The following AGBL3 variants were observed in gnomAD, a reference collection of about 807,000 sequenced individuals.
AGBL3 encodes AGBL carboxypeptidase 3.
In AGBL3, 68 loss-of-function variants were observed where a neutral mutation model predicts 94.5. The ratio of observed to expected loss-of-function variants is 0.72; its 90% CI spans 0.59 to 0.88. AGBL3 has a LOEUF of 0.88. Among genes scored for constraint, AGBL3 ranks in the 40% least tolerant of loss-of-function variants. AGBL3 has a pLI of 0.00. For missense variants in AGBL3, 934 were observed against 1,103.8 expected (o/e 0.85, Z 2.18); for synonymous variants, 354 against 370.7 (o/e 0.95, Z 0.52).
chr7:135,032,796 T>G, intron 5 of AGBL3, 48 bp from the exon 6 acceptor site: 1 of 1,488,654 alleles, frequency 6.7e-7, no homozygotes, highest in South Asian at 1.4e-5. Context: ...AATAACCTTC[T>G]TACTTTAGGT....
At chr7:135,055,521 T>C (rs1818266438) in intron 11 of AGBL3, among the ~76,000 whole-genome samples, 1 of 113,646 alleles carries the variant, frequency 8.8e-6, no homozygotes, top group Non-Finnish European at 2.0e-5. Context: ...TATATTGATA[T>C]AATTTTTTTT....
At chr7:135,060,123 C>T (rs1818696271) in intron 12 of AGBL3, among the ~76,000 whole-genome samples, 1 of 152,184 alleles carries the variant, frequency 6.6e-6, no homozygotes, top group African/African-American at 2.4e-5. Context: ...CTAACACACA[C>T]TGTTAATAGT....
chr7:134,987,453 T>A (rs558570979), intron 1 of AGBL3, among the ~76,000 whole-genome samples: 12 of 152,320 alleles, frequency 7.9e-5, no homozygotes, highest in African/African-American at 2.6e-4. Flanking sequence ...AAATGTAAAG[T>A]CTTGTCACTT....
At chr7:135,054,369 T>C (rs1240962710) in intron 11 of AGBL3, among the ~76,000 whole-genome samples, 1 of 152,240 alleles carries the variant, frequency 6.6e-6, no homozygotes, top group Non-Finnish European at 1.5e-5. Context: ...AAATTCCTTT[T>C]ATAGCTGCTG....
At chr7:135,016,987 T>A (rs1813876900) in intron 4 of AGBL3, 65 bp from the exon 5 acceptor site, 1 of 1,012,376 alleles carries the variant, frequency 9.9e-7, no homozygotes, top group South Asian at 1.4e-5. Flanking sequence ...TTTGAAAATA[T>A]GCAATAAAAT....
chr7:135,122,269 A>C (rs548738167), intron 16 of AGBL3, among the ~76,000 whole-genome samples: 1 of 152,300 alleles, frequency 6.6e-6, no homozygotes, highest in Admixed American at 6.5e-5. Flanking sequence ...ACTGTGGCTG[A>C]CTGTGGCCAG....
intron 11 of AGBL3, 146 bp from the exon 12 acceptor site, chr7:135,059,023 C>T (rs1468258557): frequency 3.3e-6 from 2 of 611,354 alleles, no homozygotes; most frequent in Non-Finnish European, 5.6e-6. Flanking sequence ...TCCCAAAGTA[C>T]TCGGATTACA....
chr7:135,005,697 AC>A (rs1292651345), intron 4 of AGBL3, among the ~76,000 whole-genome samples: 1 of 151,878 alleles, frequency 6.6e-6, no homozygotes, highest in Non-Finnish European at 1.5e-5. Context: ...GTAGCCTCTT[AC>A]CTCAAGCTTT....
At chr7:135,116,523 G>A (rs188627016) in intron 16 of AGBL3, among the ~76,000 whole-genome samples, 3 of 152,316 alleles carry the variant, frequency 2.0e-5, no homozygotes, top group Non-Finnish European at 4.4e-5. Flanking sequence ...GCCCAATGGG[G>A]AGAGAAAGAG....
intron 4 of AGBL3, among the ~76,000 whole-genome samples, chr7:135,006,968 G>A (rs999951241): frequency 1.3e-5 from 2 of 151,876 alleles, no homozygotes; most frequent in Non-Finnish European, 2.9e-5. Context: ...ATGAAGTACG[G>A]AAACTGACTC....
rs532283322 is a variant in AGBL3, at chr7:135,017,084, A to G, written c.343A>G (p.Ile115Val). The change falls in exon 5 of 17, where the codon ATC becomes GTC. Residue 115 changes from isoleucine to valine, a missense_variant. Around this residue, in one of 3 missense-constraint regions of AGBL3, gnomAD observed 488 missense variants for 563.6 expected, o/e 0.87. Coordinates refer to ENST00000436302, the MANE Select transcript of AGBL3 (RefSeq NM_178563.4). ...TCCTTCTTGTCCTGAGCCAGTGTATATCCCAACGGGCTTAGAAACGGAACC... is the reference window on the plus strand; with the variant it reads ...TCCTTCTTGTCCTGAGCCAGTGTATGTCCCAACGGGCTTAGAAACGGAACC... ...WTPSCPEPVY[I>V]PTGLETEPLY... 10 of 1,550,562 alleles carry G rather than the reference A, an allele frequency of 6.4e-6. No homozygotes were observed. Among genetic ancestry groups the G allele is most frequent in the African/African-American group, 1.4e-5 (1 of 73,148 alleles).
intron 16 of AGBL3, among the ~76,000 whole-genome samples, chr7:135,121,801 G>A (rs986650089): frequency 5.3e-5 from 8 of 152,260 alleles, no homozygotes; most frequent in South Asian, 2.1e-4. Flanking sequence ...GAGCCACACA[G>A]GGCAGGAGAG....
Position 135,134,951 on chromosome 7 carries a change from G to A in AGBL3, c.2453G>A (p.Trp818Ter). The A allele has an allele frequency of 6.4e-7, 1 of 1,551,128 alleles. No individual in the cohort carries two copies. The highest frequency in any genetic ancestry group is 2.4e-5 in the East Asian group (1 of 40,892). ...GATGTTATGGCAAACTCTTCAGAAT[G>A]GGTCCAGTCTAAGCCCCACAGGTCA... ...QGDVMANSSE[W>*]VQSKPHRSLE... Residue 818 changes from tryptophan to a stop codon, truncating the protein, a stop_gained, in exon 17 of 17, where the codon TGG becomes TAG. Coordinates refer to ENST00000436302, the MANE Select transcript of AGBL3 (RefSeq NM_178563.4). LOFTEE classifies it low-confidence loss of function (END_TRUNC).
chr7:135,135,297 G>A lies in AGBL3; in HGVS notation c.*36G>A. On this transcript the variant is annotated 3_prime_UTR_variant, in exon 17 of 17. Coordinates refer to ENST00000436302, the MANE Select transcript of AGBL3 (RefSeq NM_178563.4). Reference sequence around the variant, plus strand: ...TACTGCTCTGAGAACTGTGAATGAAGGATAACATATGCTTATGTAGTAAAA... The same window carrying A: ...TACTGCTCTGAGAACTGTGAATGAAAGATAACATATGCTTATGTAGTAAAA... 2 of 1,436,688 alleles carry A rather than the reference G, an allele frequency of 1.4e-6. No individual in the cohort carries two copies. The highest frequency in any genetic ancestry group is 9.2e-7 in the Non-Finnish European group (1 of 1,086,050). 89.0% of individuals were successfully genotyped at this position (1,436,688 alleles called of 1,614,324 possible).
chr7:135,116,611 A>G (rs1826353043), intron 16 of AGBL3, among the ~76,000 whole-genome samples: 2 of 152,026 alleles, frequency 1.3e-5, no homozygotes, highest in Non-Finnish European at 2.9e-5. Context: ...GGGAGGAGAG[A>G]GACTCTTTAT....
At chr7:135,012,037 G>T (rs1196901007) in intron 4 of AGBL3, 1 of 152,026 alleles carries the variant, frequency 6.6e-6, no homozygotes, top group African/African-American at 2.4e-5. Context: ...AATAGAAATT[G>T]ATAAATTGTA....
chr7:134,993,232 G>A (rs1330629008), intron 3 of AGBL3, among the ~76,000 whole-genome samples: 1 of 152,144 alleles, frequency 6.6e-6, no homozygotes, highest in African/African-American at 2.4e-5. Context: ...GAAAAGCTAC[G>A]AGAAACATGT....
At chr7:135,031,138 G>A (rs890857972) in intron 5 of AGBL3, among the ~76,000 whole-genome samples, 9 of 151,850 alleles carry the variant, frequency 5.9e-5, no homozygotes, top group Non-Finnish European at 1.2e-4. Flanking sequence ...CTTGGAGTCT[G>A]CTGAATTTTA....
chr7:135,010,318 T>G (rs74990069), intron 4 of AGBL3: 86,928 of 241,556 alleles, frequency 0.36, 16,845 homozygotes, highest in South Asian at 0.47. Flanking sequence ...TGTTTTTTTT[T>G]TTTTAACATT....
Sources: allele counts gnomAD v4.1 joint callset (sites outside exome capture counted in the v4.1 genomes callset), GRCh38; gene constraint gnomAD v4.1.1; regional missense constraint gnomAD v4.1.1; transcripts MANE v1.5; gene names NCBI Gene and HGNC (gene_info 2026-07-23, HGNC 2026-07-21).